The following PDZRN4 variants were observed in gnomAD, a reference collection of about 807,000 sequenced individuals.
The protein encoded by PDZRN4 is PDZ domain containing ring finger 4.
PDZRN4 carries 70 observed loss-of-function variants against 99.0 expected under a neutral mutation model. That is an observed-to-expected ratio of 0.71 (90% confidence interval 0.58 to 0.86). The LOEUF is 0.86. Among genes scored for constraint, PDZRN4 ranks in the 40% least tolerant of loss-of-function variants. The pLI, the probability that PDZRN4 is intolerant of heterozygous loss-of-function variation, is 0.00. For missense variants in PDZRN4, 1,474 were observed against 1,331.2 expected (o/e 1.11, Z -1.67); for synonymous variants, 551 against 501.6 (o/e 1.10, Z -1.32).
chr12:41,225,359 A>G (rs1950986071), intron 3 of PDZRN4, among the ~76,000 whole-genome samples: 1 of 152,102 alleles, frequency 6.6e-6, no homozygotes, highest in Non-Finnish European at 1.5e-5. Context: ...AAAGCTAAAA[A>G]TAAAGCTCTG....
At chr12:41,222,685 C>T (rs534745179) in intron 3 of PDZRN4, among the ~76,000 whole-genome samples, 7 of 151,980 alleles carry the variant, frequency 4.6e-5, no homozygotes, top group East Asian at 3.9e-4. Flanking sequence ...CCACCATGCC[C>T]GGCTAGTTTT....
chr12:41,325,249 A>C (rs982320510), intron 3 of PDZRN4, among the ~76,000 whole-genome samples: 4 of 152,136 alleles, frequency 2.6e-5, no homozygotes, highest in Non-Finnish European at 5.9e-5. Flanking sequence ...TTGAATCCTT[A>C]CTTCAAAAAA....
intron 3 of PDZRN4, among the ~76,000 whole-genome samples, chr12:41,227,186 A>G (rs1951000659): frequency 6.6e-6 from 1 of 152,172 alleles, no homozygotes; most frequent in Admixed American, 6.5e-5. Flanking sequence ...GATGTGTGAC[A>G]TTTAGGGAAT....
intron 3 of PDZRN4, among the ~76,000 whole-genome samples, chr12:41,384,593 C>T (rs1355518213): frequency 6.6e-6 from 1 of 152,168 alleles, no homozygotes; most frequent in African/African-American, 2.4e-5. Flanking sequence ...CTTCCTAGGA[C>T]AGCACATCCT....
chr12:41,203,040 T>C (rs1047801036), intron 3 of PDZRN4, among the ~76,000 whole-genome samples: 8 of 152,128 alleles, frequency 5.3e-5, no homozygotes, highest in Non-Finnish European at 8.8e-5. Flanking sequence ...TTGTTAGTTA[T>C]AGAAAAGGTA....
chr12:41,571,376 T>TCTCTCACACA (rs1303597271), intron 9 of PDZRN4, among the ~76,000 whole-genome samples: 1 of 65,514 alleles, frequency 1.5e-5, no homozygotes, highest in South Asian at 5.9e-4. Flanking sequence ...TCTCTCTCTC[T>TCTCTCACACA]CACACACACA....
chr12:41,368,350 T>C (rs925250688), intron 3 of PDZRN4, among the ~76,000 whole-genome samples: 1 of 152,112 alleles, frequency 6.6e-6, no homozygotes, highest in Non-Finnish European at 1.5e-5. Context: ...CTTGACTTTA[T>C]GCTTCACTTT....
In PDZRN4 at chr12:41,509,937, C is replaced by T. The variant is rs748237068; in HGVS notation, c.1203+24C>T. 64 of 1,088,874 alleles carry T rather than the reference C, an allele frequency of 5.9e-5. 1 individual carries two copies. In the South Asian group the frequency reaches 8.7e-4, roughly 15 times the overall value. The allele number at this position is 1,088,874 out of a possible 1,614,324, so 67.5% of individuals were successfully genotyped here. A position where few individuals can be genotyped will look rare whatever the true frequency, so the allele number is the denominator to read the frequency against. ...AGGTAAGGTCATTTTCATACCACTT[C>T]ACATTTCTTCATGAAGTTACGGTTG... On this transcript the variant is annotated intron_variant, in intron 5 of 9. Transcript: ENST00000402685.
At chr12:41,451,548 A>G (rs1367670911) in intron 3 of PDZRN4, among the ~76,000 whole-genome samples, 3 of 152,228 alleles carry the variant, frequency 2.0e-5, no homozygotes, top group Non-Finnish European at 4.4e-5. Context: ...GGAAGATGAA[A>G]ATATGGTTTT....
At chr12:41,397,838 A>G (rs1384904535) in intron 3 of PDZRN4, among the ~76,000 whole-genome samples, 1 of 152,056 alleles carries the variant, frequency 6.6e-6, no homozygotes, top group Non-Finnish European at 1.5e-5. Context: ...TTTTTTCTCT[A>G]TTACATGACT....
intron 3 of PDZRN4, among the ~76,000 whole-genome samples, chr12:41,227,728 A>G (rs780655285): frequency 7.2e-5 from 11 of 152,062 alleles, no homozygotes; most frequent in Non-Finnish European, 1.2e-4. Flanking sequence ...TAGTGTGACC[A>G]TGTGCATATG....
At chr12:41,499,925 G>A (rs1162105465) in intron 3 of PDZRN4, among the ~76,000 whole-genome samples, 3 of 151,934 alleles carry the variant, frequency 2.0e-5, no homozygotes, top group South Asian at 2.1e-4. Flanking sequence ...TGTTACATAC[G>A]TAAGCATTTC....
intron 3 of PDZRN4, among the ~76,000 whole-genome samples, chr12:41,425,516 C>G (rs929920071): frequency 6.6e-6 from 1 of 152,002 alleles, no homozygotes; most frequent in South Asian, 2.1e-4. Flanking sequence ...AGAATTTCCA[C>G]ACCAATGCAT....
At chr12:41,387,445 G>C (rs7315276) in intron 3 of PDZRN4, among the ~76,000 whole-genome samples, 79,950 of 151,938 alleles carry the variant, frequency 0.53, 21,805 homozygotes, top group African/African-American at 0.7. Flanking sequence ...ATTAGCCAGG[G>C]GTGGCAGCGT....
chr12:41,257,289 A>C (rs1951209957), intron 3 of PDZRN4, among the ~76,000 whole-genome samples: 1 of 152,208 alleles, frequency 6.6e-6, no homozygotes, highest in Non-Finnish European at 1.5e-5. Flanking sequence ...TCCAGGTTGC[A>C]GATTGCTGAC....
chr12:41,517,195 T>C (rs1284271121), intron 5 of PDZRN4, among the ~76,000 whole-genome samples: 1 of 152,114 alleles, frequency 6.6e-6, no homozygotes, highest in African/African-American at 2.4e-5. Context: ...CAATGAAAAG[T>C]AAATTGAACC....
chr12:41,551,846 A>G (rs1158919732), intron 5 of PDZRN4, among the ~76,000 whole-genome samples: 1 of 152,210 alleles, frequency 6.6e-6, no homozygotes, highest in Non-Finnish European at 1.5e-5. Flanking sequence ...CGGCTTCTGA[A>G]AGTAGTACAA....
Position 41,532,301 on chromosome 12 carries a change from T to TAC in PDZRN4, c.1204-20352_1204-20351dup, listed in dbSNP as rs1186440275. 3.9e-5 allele frequency among the ~76,000 whole-genome samples: 6 copies of TAC among 152,222 alleles called. No individual in the cohort carries two copies. The East Asian group carries it at 1.2e-3, about 29-fold the overall frequency. On this transcript the variant is annotated intron_variant, in intron 5 of 9. Coordinates refer to ENST00000402685, the MANE Select transcript of PDZRN4 (RefSeq NM_001164595.2). ...CATTTTGTCAAACTCTGTGTCATAC[T>TAC]ACACTGTCTTAAATTGTTATATCTT...
chr12:41,550,521 G>T (rs1451277969), intron 5 of PDZRN4, among the ~76,000 whole-genome samples: 1 of 152,088 alleles, frequency 6.6e-6, no homozygotes, highest in Non-Finnish European at 1.5e-5. Flanking sequence ...AAAGAACTTT[G>T]CTTGGTGTGT....
Sources: gnomAD v4.1 joint callset for allele counts (sites outside exome capture counted in the v4.1 genomes callset) on GRCh38, gnomAD v4.1.1 for gene constraint, MANE v1.5 for transcripts, NCBI Gene and HGNC (gene_info 2026-07-23, HGNC 2026-07-21) for gene names.